ST6GALNAC5: variants seen among roughly 807,000 people sequenced by gnomAD.
The protein encoded by ST6GALNAC5 is alpha-N-acetylgalactosaminide alpha-2,6-sialyltransferase 5.
Under a neutral mutation model 33.6 loss-of-function variants are expected in ST6GALNAC5, and 27 were observed. The observed-to-expected ratio is 0.80, with a 90% CI of 0.59 to 1.11. The LOEUF (loss-of-function observed/expected upper bound fraction) is 1.11. ST6GALNAC5 is among the 50% of genes least tolerant of loss of function. The pLI, the probability that ST6GALNAC5 is intolerant of heterozygous loss-of-function variation, is 0.00. For missense variants in ST6GALNAC5, 428 were observed against 454.0 expected (o/e 0.94, Z 0.52); for synonymous variants, 194 against 171.2 (o/e 1.13, Z -1.04).
At chr1:77,024,022 G>A (rs1042130212) in intron 2 of ST6GALNAC5, among the ~76,000 whole-genome samples, 1 of 152,164 alleles carries the variant, frequency 6.6e-6, no homozygotes, top group Admixed American at 6.5e-5. Flanking sequence ...AGATCTGAGA[G>A]AGCCCAGATA....
chr1:77,005,311 G>A (rs983551387), intron 2 of ST6GALNAC5, among the ~76,000 whole-genome samples: 21 of 152,294 alleles, frequency 1.4e-4, no homozygotes, highest in East Asian at 3.9e-4. Flanking sequence ...TGACCCTTGC[G>A]CTTCCCAAGT....
intron 2 of ST6GALNAC5, among the ~76,000 whole-genome samples, chr1:76,897,201 A>G (rs1654165528): frequency 6.6e-6 from 1 of 152,156 alleles, no homozygotes; most frequent in Non-Finnish European, 1.5e-5. Context: ...TCCAGGTGAA[A>G]GCAAAGAAAG....
At chr1:76,964,697 T>C (rs1266380565) in intron 2 of ST6GALNAC5, among the ~76,000 whole-genome samples, 2 of 152,108 alleles carry the variant, frequency 1.3e-5, no homozygotes, top group Non-Finnish European at 2.9e-5. Context: ...CCATGTTGGT[T>C]TCCTGCACCC....
chr1:76,941,457 G>T (rs1315602993), intron 2 of ST6GALNAC5, among the ~76,000 whole-genome samples: 1 of 152,080 alleles, frequency 6.6e-6, no homozygotes, highest in African/African-American at 2.4e-5. Context: ...TTGCTACAGT[G>T]GGTGGCTCCC....
chr1:76,993,445 A>G (rs1419077139), intron 2 of ST6GALNAC5, among the ~76,000 whole-genome samples: 1 of 152,154 alleles, frequency 6.6e-6, no homozygotes, highest in Non-Finnish European at 1.5e-5. Flanking sequence ...AAACAGTTTC[A>G]TCTCTCTCAT....
chr1:76,888,233 A>G (rs921426178), intron 2 of ST6GALNAC5, among the ~76,000 whole-genome samples: 21 of 152,204 alleles, frequency 1.4e-4, no homozygotes, highest in African/African-American at 3.6e-4. Context: ...GTACATATGC[A>G]TCACCCGGAG....
chr1:77,055,829 G>A (rs1225092332), intron 4 of ST6GALNAC5, among the ~76,000 whole-genome samples: 2 of 152,172 alleles, frequency 1.3e-5, no homozygotes, highest in Non-Finnish European at 2.9e-5. Flanking sequence ...TGTATCATTA[G>A]CACTTGTCAT....
chr1:76,994,969 A>G (rs1320263022), intron 2 of ST6GALNAC5, among the ~76,000 whole-genome samples: 1 of 152,174 alleles, frequency 6.6e-6, no homozygotes, highest in Non-Finnish European at 1.5e-5. Context: ...GGTCAGCTTT[A>G]AGGAGAAAAT....
chr1:76,974,204 T>C (rs1434853046), intron 2 of ST6GALNAC5, among the ~76,000 whole-genome samples: 2 of 150,582 alleles, frequency 1.3e-5, no homozygotes, highest in Non-Finnish European at 3.0e-5. Flanking sequence ...CTTTTGCTTT[T>C]CACTTTTTTT....
intron 2 of ST6GALNAC5, among the ~76,000 whole-genome samples, chr1:77,037,115 A>G (rs1408280597): frequency 1.3e-5 from 2 of 152,206 alleles, no homozygotes; most frequent in Admixed American, 1.3e-4. Context: ...AGTTCTGTAC[A>G]GGATGATGCT....
At chr1:76,911,156 T>C (rs1646907490) in intron 2 of ST6GALNAC5, among the ~76,000 whole-genome samples, 1 of 152,082 alleles carries the variant, frequency 6.6e-6, no homozygotes. Context: ...GCATGAAGTG[T>C]TGTTGAATTT....
intron 2 of ST6GALNAC5, among the ~76,000 whole-genome samples, chr1:77,012,594 G>A (rs1013164357): frequency 1.1e-4 from 17 of 152,190 alleles, no homozygotes; most frequent in African/African-American, 4.1e-4. Context: ...TAATTGGATC[G>A]ACTGATCCTT....
rs142444959 is a variant in ST6GALNAC5 at position 76,960,726 on chromosome 1, G to A, written c.262-83478G>A. Reference sequence around the variant, plus strand: ...TCCTTGCTGAGAAAAAGAATTCAACGATATTTCTCCCATTTGCTTTTGAAA... The same window carrying A: ...TCCTTGCTGAGAAAAAGAATTCAACAATATTTCTCCCATTTGCTTTTGAAA... On this transcript the variant is annotated intron_variant, in intron 2 of 4. Coordinates refer to ENST00000477717, the MANE Select transcript of ST6GALNAC5 (RefSeq NM_030965.3). Among the ~76,000 whole-genome samples, 641 of 152,258 alleles carry A rather than the reference G, an allele frequency of 4.2e-3. 5 individuals are homozygous for A. The highest frequency in any genetic ancestry group is 0.014 in the African/African-American group (580 of 41,532).
intron 2 of ST6GALNAC5, among the ~76,000 whole-genome samples, chr1:77,005,380 C>A (rs1650363111): frequency 6.6e-6 from 1 of 152,210 alleles, no homozygotes; most frequent in African/African-American, 2.4e-5. Flanking sequence ...CTGACCTGCA[C>A]CCACTGTCTG....
chr1:76,880,162 A>G (rs1056538274), intron 2 of ST6GALNAC5, among the ~76,000 whole-genome samples: 2 of 152,208 alleles, frequency 1.3e-5, no homozygotes, highest in African/African-American at 4.8e-5. Flanking sequence ...ATATGGTCAA[A>G]GGTATTAGGT....
chr1:76,899,869 C>T (rs1050371287), intron 2 of ST6GALNAC5, among the ~76,000 whole-genome samples: 1 of 152,136 alleles, frequency 6.6e-6, no homozygotes, highest in Admixed American at 6.5e-5. Context: ...GCTGGTTGGT[C>T]GGAGGACCAG....
At chr1:76,910,594 A>G (rs1025261802) in intron 2 of ST6GALNAC5, among the ~76,000 whole-genome samples, 2 of 152,078 alleles carry the variant, frequency 1.3e-5, no homozygotes, top group African/African-American at 2.4e-5. Flanking sequence ...TAAAGTTTCA[A>G]TATTAACTTT....
intron 2 of ST6GALNAC5, among the ~76,000 whole-genome samples, chr1:76,980,742 A>G (rs1456422600): frequency 6.6e-6 from 1 of 152,218 alleles, no homozygotes; most frequent in Non-Finnish European, 1.5e-5. Context: ...AAAGAGCTAA[A>G]TGTAAGAAAT....
intron 2 of ST6GALNAC5, among the ~76,000 whole-genome samples, chr1:76,888,614 C>CT (rs937428844): frequency 8.6e-5 from 13 of 151,336 alleles, no homozygotes; most frequent in East Asian, 3.9e-4. Context: ...GTGCTTTGGG[C>CT]TTTTTTTTAA....
Sources: gnomAD v4.1 joint callset for allele counts (sites outside exome capture counted in the v4.1 genomes callset) on GRCh38, gnomAD v4.1.1 for gene constraint, MANE v1.5 for transcripts, NCBI Gene and HGNC (gene_info 2026-07-23, HGNC 2026-07-21) for gene names.